Variants in CENPP observed in about 807,000 individuals in gnomAD.
The protein encoded by CENPP is centromere protein P.
A neutral mutation model predicts 35.6 loss-of-function variants in CENPP; 24 were observed. The observed-to-expected ratio is 0.67, with a 90% CI of 0.49 to 0.95. The LOEUF is 0.95. Ranked by LOEUF, CENPP falls within the 40% of genes least tolerant of loss-of-function variation. CENPP has a pLI of 0.00. For missense variants in CENPP, 332 were observed against 345.3 expected (o/e 0.96, Z 0.31); for synonymous variants, 120 against 125.5 (o/e 0.96, Z 0.29).
At chr9:92,567,868 A>G (rs1473864238) in intron 5 of CENPP, among the ~76,000 whole-genome samples, 1 of 152,180 alleles carries the variant, frequency 6.6e-6, no homozygotes, top group East Asian at 1.9e-4. Context: ...AGGAAACAAG[A>G]AAGGAGCTTA....
chr9:92,327,714 A>G (rs928908718), intron 1 of CENPP, among the ~76,000 whole-genome samples: 16 of 152,214 alleles, frequency 1.1e-4, no homozygotes, highest in African/African-American at 3.9e-4. Flanking sequence ...TGTCCTATCA[A>G]AGCCTGTGGA....
In CENPP at chr9:92,337,605, T is replaced by C. The variant is rs548299550; in HGVS notation, c.354T>C (p.Leu118=). Reference sequence around the variant, plus strand: ...ATTGCCACATGGTTACATTTCAACTTGAATTTCAGATTCTGGAAATTCAGG... The same window carrying C: ...ATTGCCACATGGTTACATTTCAACTCGAATTTCAGATTCTGGAAATTCAGG... The part of the protein sequence containing the change: ...SGNCHMVTFQ[L]EFQILEIQNK... The change falls in exon 3 of 8, where the codon CTT becomes CTC. Residue 118 remains leucine (L), a synonymous_variant. Transcript: ENST00000375587. 3.1e-6 allele frequency: 5 copies of C among 1,604,148 alleles called. No homozygotes were observed. The African/African-American group carries it at 6.7e-5, about 21-fold the overall frequency.
chr9:92,396,024 G>A (rs1232647239), intron 5 of CENPP, among the ~76,000 whole-genome samples: 2 of 151,740 alleles, frequency 1.3e-5, no homozygotes, highest in Non-Finnish European at 2.9e-5. Context: ...TATACTTTGG[G>A]CTAATTTTTA....
chr9:92,465,408 C>T (rs936251046), intron 5 of CENPP, among the ~76,000 whole-genome samples: 1 of 152,114 alleles, frequency 6.6e-6, no homozygotes, highest in Non-Finnish European at 1.5e-5. Context: ...ATTTTTGTGT[C>T]TTAAACTTTT....
At chr9:92,587,245 G>A (rs1019988294) in intron 5 of CENPP, among the ~76,000 whole-genome samples, 1 of 152,066 alleles carries the variant, frequency 6.6e-6, no homozygotes, top group Non-Finnish European at 1.5e-5. Flanking sequence ...CGAGGCAGGC[G>A]AATCACCTGA....
intron 5 of CENPP, chr9:92,384,273 A>G (rs1842341900): frequency 6.6e-6 from 1 of 152,200 alleles, no homozygotes; most frequent in South Asian, 2.1e-4. Context: ...ATGGGGAGAT[A>G]ACTGAAAAAC....
chr9:92,502,804 CTTTTTTTTTTTT>C, intron 5 of CENPP: 5 of 294,722 alleles, frequency 1.7e-5, no homozygotes, highest in South Asian at 1.5e-4. Context: ...TTTAAGTTGT[CTTTTTTTTTTTT>C]TTTTTTTTTG....
chr9:92,339,201 C>T (rs551397332), intron 3 of CENPP, among the ~76,000 whole-genome samples: 1 of 152,304 alleles, frequency 6.6e-6, no homozygotes, highest in African/African-American at 2.4e-5. Flanking sequence ...GTCCTATGGA[C>T]AAGCTGCCTG....
Position 92,332,225 on chromosome 9 carries a change from G to A in CENPP, c.163G>A (p.Asp55Asn). The change falls in exon 2 of 8, where the codon GAT (aspartate) becomes AAT (asparagine). Residue 55 changes from aspartate (D) to asparagine (N), a missense_variant. Asp to Asn is a conservative substitution (Grantham distance 23). Transcript: ENST00000375587. ...TTTGGAAGGATGGAAGTCTTCAAAA[G>A]ATCTGAAAAATCAGCTTGGACATTT... ...FNLEGWKSSKDLKNQLGHLES... is the reference protein window; with the variant it reads ...FNLEGWKSSKNLKNQLGHLES... 6.2e-7 allele frequency: 1 copy of A among 1,612,492 alleles called. No individual in the cohort carries two copies. The highest frequency in any genetic ancestry group is 8.5e-7 in the Non-Finnish European group (1 of 1,179,418).
At chr9:92,459,415 A>G (rs1353919805) in intron 5 of CENPP, among the ~76,000 whole-genome samples, 2 of 152,246 alleles carry the variant, frequency 1.3e-5, no homozygotes, top group African/African-American at 2.4e-5. Flanking sequence ...GAGAAACCAA[A>G]AGATGGAAAT....
At chr9:92,472,346 G>A (rs1845553326) in intron 5 of CENPP, among the ~76,000 whole-genome samples, 1 of 150,784 alleles carries the variant, frequency 6.6e-6, no homozygotes, top group South Asian at 2.1e-4. Flanking sequence ...GACAGAGTGA[G>A]ACTCTGTCTC....
chr9:92,466,159 A>G (rs1013710981), intron 5 of CENPP, among the ~76,000 whole-genome samples: 5 of 152,162 alleles, frequency 3.3e-5, no homozygotes, highest in African/African-American at 1.2e-4. Flanking sequence ...AGGGAGAGAG[A>G]GACAGTATTA....
At chr9:92,389,841 A>G in intron 5 of CENPP, 3 of 1,568,030 alleles carry the variant, frequency 1.9e-6, no homozygotes, top group Non-Finnish European at 2.6e-6. Context: ...TAGTTTTACT[A>G]TAAAATACTT....
chr9:92,544,510 G>A (rs1478819660), intron 5 of CENPP, among the ~76,000 whole-genome samples: 1 of 149,312 alleles, frequency 6.7e-6, no homozygotes, highest in East Asian at 2.0e-4. Flanking sequence ...TTTATGTTGA[G>A]GTACATTCTT....
chr9:92,354,871 C>T (rs1335773642), intron 4 of CENPP, among the ~76,000 whole-genome samples: 2 of 152,076 alleles, frequency 1.3e-5, no homozygotes, highest in South Asian at 2.1e-4. Flanking sequence ...CGTCACATAT[C>T]AGTAGGACCG....
At chr9:92,452,495 G>T (rs1462047657) in intron 5 of CENPP, among the ~76,000 whole-genome samples, 9 of 152,164 alleles carry the variant, frequency 5.9e-5, no homozygotes, top group East Asian at 3.8e-4. Flanking sequence ...GCTGGATTCG[G>T]TTTGCCAGTA....
At chr9:92,332,680 C>G (rs532076466) in intron 2 of CENPP, among the ~76,000 whole-genome samples, 1 of 152,068 alleles carries the variant, frequency 6.6e-6, no homozygotes, top group Non-Finnish European at 1.5e-5. Context: ...TGTTGGTGGG[C>G]ACCTGTAATC....
chr9:92,457,704 TC>T (rs1488214384), intron 5 of CENPP, among the ~76,000 whole-genome samples: 1 of 152,142 alleles, frequency 6.6e-6, no homozygotes, highest in African/African-American at 2.4e-5. Context: ...GGGGAAGGAC[TC>T]CCGCCAGGGC....
At chr9:92,363,126 G>T (rs1841801689) in intron 4 of CENPP, among the ~76,000 whole-genome samples, 2 of 152,074 alleles carry the variant, frequency 1.3e-5, no homozygotes, top group South Asian at 4.2e-4. Context: ...GTGGGAAATG[G>T]CATTAGAGAC....
Sources: gnomAD v4.1 joint callset for allele counts (sites outside exome capture counted in the v4.1 genomes callset) on GRCh38, gnomAD v4.1.1 for gene constraint, MANE v1.5 for transcripts, NCBI Gene and HGNC (gene_info 2026-07-23, HGNC 2026-07-21) for gene names.